ROBO2: variants seen among roughly 807,000 people sequenced by gnomAD.
ROBO2 encodes roundabout homolog 2.
In ROBO2, 53 loss-of-function variants were observed where a neutral mutation model predicts 160.8. The observed-to-expected ratio is 0.33, with a 90% CI of 0.26 to 0.41. ROBO2 has a LOEUF of 0.41. Among genes scored for constraint, ROBO2 ranks in the 10% least tolerant of loss-of-function variants. The pLI, the probability that ROBO2 is intolerant of heterozygous loss-of-function variation, is 1.00. For synonymous variants in ROBO2, 664 were observed against 611.7 expected (o/e 1.09, Z -1.26); for missense variants, 1,577 against 1,722.4 (o/e 0.92, Z 1.49).
At chr3:76,817,660 CCT>C (rs2065790113) in intron 2 of ROBO2, among the ~76,000 whole-genome samples, 2 of 152,082 alleles carry the variant, frequency 1.3e-5, no homozygotes, top group East Asian at 3.9e-4. Flanking sequence ...CACCCTTCCC[CCT>C]GAGTCCCCAA....
intron 2 of ROBO2, among the ~76,000 whole-genome samples, chr3:76,527,161 G>GA: frequency 6.6e-6 from 1 of 151,082 alleles, no homozygotes; most frequent in East Asian, 1.9e-4. Context: ...ACATTTTGGA[G>GA]AAAAAAAAGG....
At chr3:77,007,901 C>A (rs1196775447) in intron 2 of ROBO2, among the ~76,000 whole-genome samples, 1 of 151,758 alleles carries the variant, frequency 6.6e-6, no homozygotes, top group East Asian at 1.9e-4. Context: ...TATTTACTTG[C>A]CAAAGAATTA....
At chr3:77,541,228 A>G (rs2092448182) in intron 6 of ROBO2, among the ~76,000 whole-genome samples, 1 of 152,158 alleles carries the variant, frequency 6.6e-6, no homozygotes, top group Non-Finnish European at 1.5e-5. Flanking sequence ...CTGCCATAGG[A>G]AGTCATATTT....
chr3:76,914,862 G>C (rs555699067), intron 2 of ROBO2, among the ~76,000 whole-genome samples: 1 of 152,082 alleles, frequency 6.6e-6, no homozygotes, highest in African/African-American at 2.4e-5. Context: ...ACAGGACAGG[G>C]TGTTCTAAGA....
intron 2 of ROBO2, among the ~76,000 whole-genome samples, chr3:76,830,165 T>C (rs1055036043): frequency 2.6e-5 from 4 of 152,164 alleles, no homozygotes; most frequent in African/African-American, 9.6e-5. Context: ...ACAACTCAAC[T>C]GTCCCCCCCT....
At chr3:76,932,456 A>C (rs1242566552) in intron 2 of ROBO2, among the ~76,000 whole-genome samples, 6 of 151,632 alleles carry the variant, frequency 4.0e-5, no homozygotes, top group Non-Finnish European at 8.8e-5. Flanking sequence ...ACGTGTCACA[A>C]ATCTATGCTG....
At position 76,756,308 on chromosome 3, in the gene ROBO2, G is replaced by A. The variant is rs142055031; in HGVS notation, c.110-341706G>A. The stretch of plus-strand genomic sequence containing the variant: ...ATTAATAAACCATTGTAGAATATTT[G>A]CAAAATATTTTTACAGGAGGTGAAA... On this transcript the variant is annotated intron_variant, in intron 2 of 26. Transcript: ENST00000487694. 8.8e-3 allele frequency among the ~76,000 whole-genome samples: 1,339 copies of A among 151,896 alleles called. 12 individuals carry two copies. Among genetic ancestry groups the A allele is most frequent in the African/African-American group, 0.031 (1,271 of 41,500 alleles).
chr3:77,498,387 TG>T (rs2087081233), intron 5 of ROBO2, among the ~76,000 whole-genome samples: 1 of 152,180 alleles, frequency 6.6e-6, no homozygotes, highest in South Asian at 2.1e-4. Flanking sequence ...ATATAATTAA[TG>T]AATATTTCAT....
intron 2 of ROBO2, among the ~76,000 whole-genome samples, chr3:76,352,626 A>G (rs1391257171): frequency 6.6e-6 from 1 of 152,002 alleles, no homozygotes; most frequent in African/African-American, 2.4e-5. Flanking sequence ...GGACAAAAAA[A>G]TGGTCCCGAA....
chr3:75,920,005 T>A (rs973653429), intron 1 of ROBO2, among the ~76,000 whole-genome samples: 20 of 152,176 alleles, frequency 1.3e-4, no homozygotes, highest in African/African-American at 4.6e-4. Flanking sequence ...ATTCATTGAT[T>A]TTTTGAAGGT....
chr3:76,817,001 C>T (rs985587584), intron 2 of ROBO2, among the ~76,000 whole-genome samples: 4 of 152,054 alleles, frequency 2.6e-5, no homozygotes, highest in Non-Finnish European at 4.4e-5. Context: ...TGTTCTCACT[C>T]ATAAGTGGGA....
chr3:76,722,528 T>C (rs2093482139), intron 2 of ROBO2, among the ~76,000 whole-genome samples: 1 of 152,216 alleles, frequency 6.6e-6, no homozygotes, highest in South Asian at 2.1e-4. Context: ...TACAGAATTA[T>C]GCAACCATCA....
intron 2 of ROBO2, among the ~76,000 whole-genome samples, chr3:76,309,533 TTAACAAGA>T (rs774700739): frequency 1.1e-4 from 16 of 152,212 alleles, no homozygotes; most frequent in Non-Finnish European, 1.8e-4. Flanking sequence ...GTGGCTTATC[TTAACAAGA>T]TAACTTGCTC....
chr3:76,471,652 A>G (rs2078660781), intron 2 of ROBO2, among the ~76,000 whole-genome samples: 1 of 152,128 alleles, frequency 6.6e-6, no homozygotes, highest in Non-Finnish European at 1.5e-5. Flanking sequence ...CATCAAATTA[A>G]TATTGAATGT....
chr3:77,588,920 C>G, exon 17 of ROBO2: 1 of 1,613,104 alleles, frequency 6.2e-7, no homozygotes, highest in Non-Finnish European at 8.5e-7. Flanking sequence ...GGAAGGGACT[C>G]AGTAATTATG....
chr3:77,178,923 CAGTTGAAT>C (rs2080422983), intron 2 of ROBO2, among the ~76,000 whole-genome samples: 1 of 151,982 alleles, frequency 6.6e-6, no homozygotes. Flanking sequence ...TTACTCGAGG[CAGTTGAAT>C]ACTGATATGA....
intron 5 of ROBO2, among the ~76,000 whole-genome samples, chr3:77,522,338 T>A (rs867618725): frequency 5.3e-5 from 8 of 151,126 alleles, no homozygotes; most frequent in South Asian, 4.1e-4. Context: ...AAGAGAAAAA[T>A]TTTGTTCTTT....
intron 25 of ROBO2, among the ~76,000 whole-genome samples, chr3:77,645,543 A>G (rs2095404447): frequency 1.3e-5 from 2 of 152,198 alleles, no homozygotes; most frequent in African/African-American, 4.8e-5. Context: ...AAAGTTACCA[A>G]TACAGCTTTG....
rs1478486366 is a variant in ROBO2, at chr3:76,654,961, G to A, written c.110-443053G>A. On this transcript the variant is annotated intron_variant, in intron 2 of 26. Transcript: ENST00000487694. Reference sequence around the variant, plus strand: ...TATAAATTTAAAGTTCAAATTTGAAGTTCAAATCAAAAGTAAAGATACCTT... The same window carrying A: ...TATAAATTTAAAGTTCAAATTTGAAATTCAAATCAAAAGTAAAGATACCTT... Among the ~76,000 whole-genome samples the A allele has an allele frequency of 2.8e-5, 4 of 144,586 alleles. No homozygotes were observed. The Admixed American group carries it at 2.8e-4, about 10-fold the overall frequency. The allele number at this position is 144,586 out of a possible 152,430, so 94.9% of individuals were successfully genotyped here.
Sources: gnomAD v4.1 joint callset for allele counts (sites outside exome capture counted in the v4.1 genomes callset) on GRCh38, gnomAD v4.1.1 for gene constraint, MANE v1.5 for transcripts, NCBI Gene and HGNC (gene_info 2026-07-23, HGNC 2026-07-21) for gene names.